Variants in KIAA1671 observed in about 807,000 individuals in gnomAD.
The protein encoded by KIAA1671 is KIAA1671.
In KIAA1671, 52 loss-of-function variants were observed where a neutral mutation model predicts 131.2. That is an observed-to-expected ratio of 0.40 (90% CI 0.32 to 0.50). The LOEUF is 0.50. Ranked by LOEUF, KIAA1671 falls within the 20% of genes least tolerant of loss-of-function variation. The pLI, the probability that KIAA1671 is intolerant of heterozygous loss-of-function variation, is 0.73. For synonymous variants in KIAA1671, 1,003 were observed against 961.6 expected, an observed-to-expected ratio of 1.04 and a Z score of -0.80; for missense variants, 2,360 against 2,364.2, an observed-to-expected ratio of 1.00 and a Z score of 0.04.
At chr22:25,153,436 C>T (rs1037522366) in intron 6 of KIAA1671, among the ~76,000 whole-genome samples, 13 of 152,196 alleles carry the variant, frequency 8.5e-5, no homozygotes, top group South Asian at 2.1e-4. Flanking sequence ...CACCACATGT[C>T]CGTAGTGCCA....
chr22:25,029,452 G>A lies in KIAA1671; in HGVS notation c.1453G>A (p.Gly485Ser), dbSNP rs1473100481. 6.4e-7 allele frequency: 1 copy of A among 1,551,218 alleles called. No individual in the cohort carries two copies. Among genetic ancestry groups the A allele is most frequent in the Non-Finnish European group, 8.7e-7 (1 of 1,146,838 alleles). Residue 485 changes from glycine to serine, a missense_variant, in exon 3 of 13, where the codon GGC becomes AGC. Physicochemically the swap from Gly to Ser is moderately conservative, Grantham distance 56. Around this residue, in one of 3 missense-constraint regions of KIAA1671, gnomAD observed 1,185 missense variants for 1,126.2 expected, o/e 1.05. Transcript: ENST00000358431. The part of the protein sequence containing the change: ...GVVSVQERIR[G>S]WTAESSEAKP... ...TGTGAGCGTTCAGGAACGGATCAGA[G>A]GCTGGACTGCCGAGAGCTCAGAGGC...
At chr22:25,149,993 G>T (rs1026755259) in intron 6 of KIAA1671, among the ~76,000 whole-genome samples, 2 of 152,026 alleles carry the variant, frequency 1.3e-5, no homozygotes, top group African/African-American at 4.8e-5. Context: ...TGCGCTTCCC[G>T]TGCCTGGTTG....
intron 6 of KIAA1671, among the ~76,000 whole-genome samples, chr22:25,067,091 C>T (rs913209565): frequency 6.6e-6 from 1 of 152,164 alleles, no homozygotes; most frequent in African/African-American, 2.4e-5. Flanking sequence ...ATAACCAGGA[C>T]TGGGCACTGG....
At chr22:25,152,141 G>A (rs1054011830) in intron 6 of KIAA1671, among the ~76,000 whole-genome samples, 2 of 152,198 alleles carry the variant, frequency 1.3e-5, no homozygotes, top group African/African-American at 4.8e-5. Context: ...ACTTTATTTC[G>A]TCAGGCCCTG....
chr22:25,124,291 C>G (rs373858346), intron 6 of KIAA1671, among the ~76,000 whole-genome samples: 3 of 152,242 alleles, frequency 2.0e-5, no homozygotes, highest in African/African-American at 7.2e-5. Flanking sequence ...TTTTCTCCAG[C>G]ATCAGTTTCT....
intron 6 of KIAA1671, among the ~76,000 whole-genome samples, chr22:25,081,635 C>G (rs1201184338): frequency 6.9e-6 from 1 of 144,454 alleles, no homozygotes; most frequent in Admixed American, 6.8e-5. Flanking sequence ...TTTTTTTAAG[C>G]ATGTGCAGAG....
intron 6 of KIAA1671, among the ~76,000 whole-genome samples, chr22:25,126,472 A>G (rs1425028125): frequency 6.6e-6 from 1 of 152,220 alleles, no homozygotes; most frequent in Admixed American, 6.5e-5. Flanking sequence ...GTACAAAGGT[A>G]GCCATGCTGG....
At chr22:24,991,905 CTTGT>C (rs1923859528) in intron 1 of KIAA1671, among the ~76,000 whole-genome samples, 1 of 152,140 alleles carries the variant, frequency 6.6e-6, no homozygotes, top group African/African-American at 2.4e-5. Flanking sequence ...TGCTTGTTTT[CTTGT>C]TTGAGTTGTT....
intron 6 of KIAA1671, among the ~76,000 whole-genome samples, chr22:25,123,064 C>T (rs944815027): frequency 1.3e-5 from 2 of 152,126 alleles, no homozygotes; most frequent in African/African-American, 4.8e-5. Flanking sequence ...AACATGATAG[C>T]CTCTAAGGTG....
chr22:24,997,602 G>A (rs2123855757), intron 1 of KIAA1671, among the ~76,000 whole-genome samples: 1 of 152,204 alleles, frequency 6.6e-6, no homozygotes, highest in Non-Finnish European at 1.5e-5. Flanking sequence ...CCTGGGTGAG[G>A]GGCAGGAGAT....
At chr22:25,117,969 T>A (rs1036304104) in intron 6 of KIAA1671, among the ~76,000 whole-genome samples, 4 of 151,540 alleles carry the variant, frequency 2.6e-5, no homozygotes, top group Non-Finnish European at 5.9e-5. Context: ...AGAAACCCCA[T>A]CTCTACTAAA....
At chr22:25,021,042 G>A (rs998581816) in intron 1 of KIAA1671, among the ~76,000 whole-genome samples, 145 of 152,270 alleles carry the variant, frequency 9.5e-4, no homozygotes, top group African/African-American at 3.0e-3. Flanking sequence ...CCACAGCTGA[G>A]GCAGAATCGT....
intron 1 of KIAA1671, among the ~76,000 whole-genome samples, chr22:24,974,685 CT>C (rs34171375): frequency 0.14 from 11,327 of 81,702 alleles, 291 homozygotes; most frequent in East Asian, 0.39. Flanking sequence ...CAGCTCACCT[CT>C]TTTTTTTTTT....
chr22:25,070,485 T>G (rs1928766132), intron 6 of KIAA1671: 1 of 419,876 alleles, frequency 2.4e-6, no homozygotes, highest in Middle Eastern at 3.1e-4. Context: ...CTGCTTCCTG[T>G]CAACTTTGCT....
intron 6 of KIAA1671, among the ~76,000 whole-genome samples, chr22:25,157,689 C>G (rs1232941564): frequency 6.6e-6 from 1 of 152,132 alleles, no homozygotes; most frequent in East Asian, 1.9e-4. Flanking sequence ...CCTCCCCTCT[C>G]CCCTGATTAT....
chr22:24,956,812 C>T (rs897509930), intron 1 of KIAA1671, among the ~76,000 whole-genome samples: 1 of 146,384 alleles, frequency 6.8e-6, no homozygotes, highest in Non-Finnish European at 1.5e-5. Flanking sequence ...GCGGAGCTTA[C>T]AGTGAGCCGA....
intron 1 of KIAA1671, among the ~76,000 whole-genome samples, chr22:25,018,820 A>G (rs1925488801): frequency 6.6e-6 from 1 of 152,172 alleles, no homozygotes; most frequent in Non-Finnish European, 1.5e-5. Context: ...TGGACATTTA[A>G]TTGTTTACAC....
intron 11 of KIAA1671, among the ~76,000 whole-genome samples, chr22:25,188,972 A>G (rs1429282851): frequency 6.6e-6 from 1 of 152,098 alleles, no homozygotes; most frequent in Non-Finnish European, 1.5e-5. Flanking sequence ...AGACACACGT[A>G]TGTATGTATA....
At chr22:25,109,208 C>T (rs2145909722) in intron 6 of KIAA1671, among the ~76,000 whole-genome samples, 2 of 152,016 alleles carry the variant, frequency 1.3e-5, no homozygotes, top group South Asian at 4.2e-4. Context: ...CTCTCGGGTT[C>T]AAGCGATTCT....
Sources: allele counts gnomAD v4.1 joint callset (sites outside exome capture counted in the v4.1 genomes callset), GRCh38; gene constraint gnomAD v4.1.1; regional missense constraint gnomAD v4.1.1; transcripts MANE v1.5; gene names NCBI Gene and HGNC (gene_info 2026-07-23, HGNC 2026-07-21).